The following PRKCA variants were observed in gnomAD, a reference collection of about 807,000 sequenced individuals.
The protein encoded by PRKCA is protein kinase C alpha type.
Under a neutral mutation model 87.0 loss-of-function variants are expected in PRKCA, and 27 were observed. That is an observed-to-expected ratio of 0.31 (90% CI 0.23 to 0.43). PRKCA has a LOEUF of 0.43. PRKCA is among the 20% of genes least tolerant of loss of function. PRKCA has a pLI of 1.00. For missense variants in PRKCA, 518 were observed against 852.3 expected, an observed-to-expected ratio of 0.61 and a Z score of 4.88; for synonymous variants, 329 against 311.1, an observed-to-expected ratio of 1.06 and a Z score of -0.61.
At chr17:66,594,826 A>G (rs1464645413) in intron 3 of PRKCA, among the ~76,000 whole-genome samples, 1 of 152,166 alleles carries the variant, frequency 6.6e-6, no homozygotes, top group Non-Finnish European at 1.5e-5. Context: ...ACTGATCCAC[A>G]TTCCTCAGTT....
intron 3 of PRKCA, among the ~76,000 whole-genome samples, chr17:66,534,466 G>C (rs1598747376): frequency 6.6e-6 from 1 of 152,132 alleles, no homozygotes; most frequent in East Asian, 1.9e-4. Flanking sequence ...AAGAGATCAA[G>C]ACCATCCTGG....
intron 3 of PRKCA, among the ~76,000 whole-genome samples, chr17:66,607,635 G>A (rs977899199): frequency 1.3e-5 from 2 of 152,168 alleles, no homozygotes; most frequent in African/African-American, 4.8e-5. Context: ...CCAATTCAGG[G>A]AACTCTTGAG....
chr17:66,793,209 A>AG (rs1205375890), intron 16 of PRKCA, among the ~76,000 whole-genome samples: 1 of 152,044 alleles, frequency 6.6e-6, no homozygotes, highest in Non-Finnish European at 1.5e-5. Context: ...CAGCTCATTG[A>AG]GGACCGTCAG....
chr17:66,533,518 T>A lies in PRKCA; in HGVS notation c.288+37235T>A, dbSNP rs1967642492. Among the ~76,000 whole-genome samples, 4 of 152,342 alleles carry A rather than the reference T, an allele frequency of 2.6e-5. No homozygotes were observed. In the South Asian group the frequency reaches 8.3e-4, roughly 32 times the overall value. ...CTAGCCTGTGTATTGACTGCTTGAT[T>A]TATAACGAATGCTGAATTTGGCTAG... On this transcript the variant is annotated intron_variant, in intron 3 of 16. Coordinates refer to ENST00000413366, the MANE Select transcript of PRKCA (RefSeq NM_002737.3).
intron 8 of PRKCA, among the ~76,000 whole-genome samples, chr17:66,730,836 C>A (rs1598903141): frequency 6.6e-6 from 1 of 152,192 alleles, no homozygotes; most frequent in African/African-American, 2.4e-5. Context: ...CAAGGGGGCT[C>A]AATCAGTACT....
At chr17:66,314,388 A>G (rs1397537398) in intron 2 of PRKCA, among the ~76,000 whole-genome samples, 3 of 152,242 alleles carry the variant, frequency 2.0e-5, no homozygotes, top group East Asian at 3.8e-4. Context: ...CTATAACTGC[A>G]TTAAAAAAAC....
intron 5 of PRKCA, among the ~76,000 whole-genome samples, chr17:66,648,206 C>T (rs568346351): frequency 7.2e-5 from 11 of 152,254 alleles, no homozygotes; most frequent in East Asian, 5.8e-4. Flanking sequence ...TAAGGCTCTG[C>T]GTTTGGTTGA....
intron 2 of PRKCA, among the ~76,000 whole-genome samples, chr17:66,399,762 C>T (rs1308374197): frequency 6.6e-6 from 1 of 152,138 alleles, no homozygotes; most frequent in African/African-American, 2.4e-5. Context: ...CCAGGCTCAC[C>T]CACATTGTAG....
chr17:66,720,752 G>A, intron 8 of PRKCA, among the ~76,000 whole-genome samples: 1 of 152,186 alleles, frequency 6.6e-6, no homozygotes, highest in East Asian at 1.9e-4. Flanking sequence ...AAAAATGGTA[G>A]GAGAAATCCA....
At chr17:66,753,462 A>G (rs1374519445) in intron 13 of PRKCA, among the ~76,000 whole-genome samples, 1 of 152,170 alleles carries the variant, frequency 6.6e-6, no homozygotes. Flanking sequence ...AGGGCCTGGG[A>G]AGAGAAGTGG....
At chr17:66,566,490 T>TG (rs1410457512) in intron 3 of PRKCA, among the ~76,000 whole-genome samples, 1 of 148,954 alleles carries the variant, frequency 6.7e-6, no homozygotes, top group Non-Finnish European at 1.5e-5. Context: ...GTTTTTTTTT[T>TG]TTTTTTTTTT....
In PRKCA at chr17:66,688,389, C is replaced by T; in HGVS notation, c.774C>T (p.Ser258=). The T allele has an allele frequency of 6.2e-7, 1 of 1,614,172 alleles. No individual in the cohort carries two copies. The highest frequency in any genetic ancestry group is 8.5e-7 in the Non-Finnish European group (1 of 1,180,028). ...DRTTRNDFMG[S]LSFGVSELMK... is the part of the protein sequence containing the mutation. Reference sequence around the variant, plus strand: ...CAACAAGGAATGACTTCATGGGATCCCTTTCCTTTGGAGTTTCGGAGCTGA... The same window carrying T: ...CAACAAGGAATGACTTCATGGGATCTCTTTCCTTTGGAGTTTCGGAGCTGA... Residue 258 remains serine (S), a synonymous_variant, in exon 7 of 17, where the codon TCC becomes TCT. Coordinates refer to ENST00000413366, the MANE Select transcript of PRKCA (RefSeq NM_002737.3).
At chr17:66,763,914 C>T (rs1974740084) in intron 13 of PRKCA, among the ~76,000 whole-genome samples, 2 of 152,138 alleles carry the variant, frequency 1.3e-5, no homozygotes, top group African/African-American at 4.8e-5. Flanking sequence ...GGCATCTTGG[C>T]TGTTTTGATC....
intron 2 of PRKCA, among the ~76,000 whole-genome samples, chr17:66,411,945 G>A (rs920801372): frequency 3.3e-5 from 5 of 150,418 alleles, no homozygotes; most frequent in Non-Finnish European, 7.4e-5. Flanking sequence ...AAAATGAGAA[G>A]TATGGATAAA....
Position 66,714,075 on chromosome 17 carries a change from C to A in PRKCA, c.919-18613C>A, listed in dbSNP as rs1267518200. 3.9e-5 allele frequency among the ~76,000 whole-genome samples: 6 copies of A among 152,308 alleles called. No individual in the cohort carries two copies. In the East Asian group the frequency reaches 5.8e-4, roughly 15 times the overall value. On this transcript the variant is annotated intron_variant, in intron 8 of 16. Coordinates refer to ENST00000413366, the MANE Select transcript of PRKCA (RefSeq NM_002737.3). Reference sequence around the variant, plus strand: ...CTCTCCTGGCCCATTGACAAAACCTCTGTTCACTTCCAAAGCCCAGCAGTT... The same window carrying A: ...CTCTCCTGGCCCATTGACAAAACCTATGTTCACTTCCAAAGCCCAGCAGTT...
At chr17:66,482,098 CAA>C (rs58719328) in intron 2 of PRKCA, among the ~76,000 whole-genome samples, 5,989 of 89,228 alleles carry the variant, frequency 0.067, 112 homozygotes, top group Admixed American at 0.13. Context: ...AAGACTGTCT[CAA>C]AAAAAAAAAA....
intron 3 of PRKCA, among the ~76,000 whole-genome samples, chr17:66,548,300 C>T (rs1335831257): frequency 2.0e-5 from 3 of 152,144 alleles, no homozygotes; most frequent in Admixed American, 6.5e-5. Context: ...CCTATGAGGG[C>T]GCCCCTCCTT....
chr17:66,591,690 GT>G (rs1393797545), intron 3 of PRKCA, among the ~76,000 whole-genome samples: 1 of 152,150 alleles, frequency 6.6e-6, no homozygotes, highest in African/African-American at 2.4e-5. Context: ...GAAAAAGTTG[GT>G]TTGCTGCTAT....
At chr17:66,437,038 G>A (rs1913432324) in intron 2 of PRKCA, among the ~76,000 whole-genome samples, 1 of 152,168 alleles carries the variant, frequency 6.6e-6, no homozygotes, top group Admixed American at 6.5e-5. Context: ...AGATGGAGTG[G>A]TGCTTAGAAG....
Sources: allele counts gnomAD v4.1 joint callset (sites outside exome capture counted in the v4.1 genomes callset), GRCh38; gene constraint gnomAD v4.1.1; transcripts MANE v1.5; gene names NCBI Gene and HGNC (gene_info 2026-07-23, HGNC 2026-07-21).